The following MDGA2 variants were observed in gnomAD, a reference collection of about 807,000 sequenced individuals.
The protein encoded by MDGA2 is MAM domain-containing glycosylphosphatidylinositol anchor protein 2.
MDGA2 carries 40 observed loss-of-function variants against 117.8 expected under a neutral mutation model. The ratio of observed to expected loss-of-function variants is 0.34; its 90% confidence interval spans 0.26 to 0.44. The LOEUF is 0.44. MDGA2 is among the 20% of genes least tolerant of loss of function. MDGA2 has a pLI of 1.00. For missense variants in MDGA2, 1,123 were observed against 1,250.6 expected, an observed-to-expected ratio of 0.90 and a Z score of 1.54; for synonymous variants, 452 against 439.0, an observed-to-expected ratio of 1.03 and a Z score of -0.37.
chr14:46,935,340 G>A (rs964797929), intron 9 of MDGA2, among the ~76,000 whole-genome samples: 10 of 152,062 alleles, frequency 6.6e-5, no homozygotes, highest in East Asian at 1.9e-4. Flanking sequence ...TACATATCCC[G>A]CACCTAAGAA....
At chr14:47,267,084 G>T (rs1056809406) in intron 2 of MDGA2, among the ~76,000 whole-genome samples, 2 of 152,128 alleles carry the variant, frequency 1.3e-5, no homozygotes, top group African/African-American at 4.8e-5. Context: ...ATTAATGAGG[G>T]ATGATTGCAT....
chr14:47,597,160 T>C (rs1896558730), intron 1 of MDGA2, among the ~76,000 whole-genome samples: 2 of 152,102 alleles, frequency 1.3e-5, no homozygotes, highest in Admixed American at 6.6e-5. Flanking sequence ...TCATGAAAAT[T>C]TCCCCTTAAA....
chr14:47,301,983 A>C (rs1362163195), intron 1 of MDGA2, among the ~76,000 whole-genome samples: 1 of 152,204 alleles, frequency 6.6e-6, no homozygotes, highest in Non-Finnish European at 1.5e-5. Flanking sequence ...TTAATTATTT[A>C]AGTCATGTAG....
intron 1 of MDGA2, among the ~76,000 whole-genome samples, chr14:47,534,717 CA>C (rs1453917960): frequency 6.6e-6 from 1 of 152,176 alleles, no homozygotes; most frequent in Non-Finnish European, 1.5e-5. Context: ...TCAGTAGCTT[CA>C]AAAGCACAGG....
At chr14:47,628,207 T>C (rs113084765) in intron 1 of MDGA2, among the ~76,000 whole-genome samples, 1 of 152,224 alleles carries the variant, frequency 6.6e-6, no homozygotes, top group African/African-American at 2.4e-5. Context: ...TTCTCAGTAA[T>C]TCTCCTCATC....
intron 8 of MDGA2, among the ~76,000 whole-genome samples, chr14:46,976,656 T>C (rs1886471384): frequency 6.6e-6 from 1 of 152,006 alleles, no homozygotes; most frequent in Admixed American, 6.6e-5. Context: ...ACGTTATTAA[T>C]TTGATATTGA....
chr14:47,000,379 A>T (rs907838988), intron 8 of MDGA2, among the ~76,000 whole-genome samples: 1 of 84,142 alleles, frequency 1.2e-5, no homozygotes, highest in African/African-American at 5.0e-5. Flanking sequence ...ATATATATTT[A>T]TATATATATA....
At chr14:47,247,516 T>C (rs1031418386) in intron 2 of MDGA2, among the ~76,000 whole-genome samples, 1 of 151,652 alleles carries the variant, frequency 6.6e-6, no homozygotes, top group East Asian at 1.9e-4. Context: ...TTGGTCAGGC[T>C]GGTCTCGAAC....
At chr14:47,454,111 C>G (rs1893296756) in intron 1 of MDGA2, among the ~76,000 whole-genome samples, 1 of 152,070 alleles carries the variant, frequency 6.6e-6, no homozygotes, top group African/African-American at 2.4e-5. Flanking sequence ...GAAAACGGCC[C>G]CCAATAGGGA....
chr14:47,538,607 A>G (rs2138749087), intron 1 of MDGA2, among the ~76,000 whole-genome samples: 1 of 152,266 alleles, frequency 6.6e-6, no homozygotes, highest in South Asian at 2.1e-4. Context: ...AACTCTCCCT[A>G]TCAGATGTAC....
At chr14:46,996,926 G>T in intron 8 of MDGA2, 1 of 382,426 alleles carries the variant, frequency 2.6e-6, no homozygotes, top group South Asian at 2.4e-5. Flanking sequence ...GCACCTAGCA[G>T]CAACCCAGGA....
intron 1 of MDGA2, among the ~76,000 whole-genome samples, chr14:47,600,220 AC>A (rs1440960663): frequency 2.6e-5 from 4 of 151,654 alleles, no homozygotes; most frequent in Non-Finnish European, 5.9e-5. Flanking sequence ...ACATGGTGAA[AC>A]CCTGTCTGCA....
chr14:47,000,388 TATTTATATATAA>T (rs1413291154), intron 8 of MDGA2, among the ~76,000 whole-genome samples: 26 of 50,488 alleles, frequency 5.1e-4, no homozygotes, highest in African/African-American at 1.5e-3. Flanking sequence ...TATATATATA[TATTTATATATAA>T]ATATATATTT....
At chr14:47,295,666 G>A (rs1163902976) in intron 2 of MDGA2, among the ~76,000 whole-genome samples, 2 of 152,148 alleles carry the variant, frequency 1.3e-5, no homozygotes, top group African/African-American at 2.4e-5. Flanking sequence ...CACTTTGGGA[G>A]GCTGAGGTGG....
intron 7 of MDGA2, among the ~76,000 whole-genome samples, chr14:47,059,606 T>C (rs570670401): frequency 6.6e-5 from 10 of 152,112 alleles, no homozygotes; most frequent in Non-Finnish European, 1.3e-4. Context: ...CTGTATATAA[T>C]GCTGCTTTCT....
At chr14:46,848,996 T>C (rs1212361843) in intron 15 of MDGA2, among the ~76,000 whole-genome samples, 1 of 152,036 alleles carries the variant, frequency 6.6e-6, no homozygotes, top group Non-Finnish European at 1.5e-5. Context: ...ATTATTTACA[T>C]TTACACTTAC....
At chr14:47,495,310 T>G (rs1894258520) in intron 1 of MDGA2, among the ~76,000 whole-genome samples, 1 of 152,080 alleles carries the variant, frequency 6.6e-6, no homozygotes, top group Admixed American at 6.6e-5. Flanking sequence ...GGAAAAATAC[T>G]ACTTATTTGG....
In MDGA2 at chr14:47,380,633, C is replaced by T. The variant is rs113295585; in HGVS notation, c.281-79083G>A. Among the ~76,000 whole-genome samples the T allele has an allele frequency of 3.3e-3, 507 of 152,120 alleles. 3 individuals carry two copies. The highest frequency in any genetic ancestry group is 0.012 in the African/African-American group (479 of 41,482). On this transcript the variant is annotated intron_variant, in intron 1 of 16. Transcript: ENST00000399232. The stretch of plus-strand genomic sequence containing the variant: ...TAGAAGAAATGGATAAATTCCTCGA[C>T]ACATAGACTCTCCCAAGACTAAACC...
In MDGA2 at chr14:47,251,984, T is replaced by C. The variant is rs903908527; in HGVS notation, c.421-33789A>G. 7.2e-5 allele frequency among the ~76,000 whole-genome samples: 11 copies of C among 152,148 alleles called. No individual in the cohort carries two copies. The South Asian group carries it at 8.3e-4, about 11-fold the overall frequency. On this transcript the variant is annotated intron_variant, in intron 2 of 16. Transcript: ENST00000399232. ...TGGTGGTTTGCAGGAAAGGTGCTACTGGAAATAAGGGAAGAGGCTATAGTT... is the reference window on the plus strand; with the variant it reads ...TGGTGGTTTGCAGGAAAGGTGCTACCGGAAATAAGGGAAGAGGCTATAGTT...
Sources: gnomAD v4.1 joint callset for allele counts (sites outside exome capture counted in the v4.1 genomes callset) on GRCh38, gnomAD v4.1.1 for gene constraint, MANE v1.5 for transcripts, NCBI Gene and HGNC (gene_info 2026-07-23, HGNC 2026-07-21) for gene names.